The following ZNF521 variants were observed in gnomAD, a reference collection of about 807,000 sequenced individuals.
The protein encoded by ZNF521 is zinc finger protein 521.
ZNF521 carries 14 observed loss-of-function variants against 105.5 expected under a neutral mutation model. The ratio of observed to expected loss-of-function variants is 0.13; its 90% confidence interval spans 0.09 to 0.21. The LOEUF (loss-of-function observed/expected upper bound fraction) is 0.21. Among genes scored for constraint, ZNF521 ranks in the 10% least tolerant of loss-of-function variants. The pLI is 1.00. For synonymous variants in ZNF521, 635 were observed against 606.0 expected (o/e 1.05, Z -0.70); for missense variants, 1,233 against 1,629.7 (o/e 0.76, Z 4.19).
intron 4 of ZNF521, chr18:25,224,079 G>A (rs940126066): frequency 5.0e-6 from 2 of 398,002 alleles, no homozygotes; most frequent in Non-Finnish European, 9.1e-6. Context: ...GTGTTGGCAT[G>A]AGCGCTGGTC....
intron 5 of ZNF521, among the ~76,000 whole-genome samples, chr18:25,121,648 A>AG (rs2034446563): frequency 6.6e-6 from 1 of 152,246 alleles, no homozygotes; most frequent in African/African-American, 2.4e-5. Context: ...CCACCACTGG[A>AG]GGGGGACAGT....
intron 1 of ZNF521, chr18:25,351,321 A>G (rs1480762817): frequency 6.6e-6 from 1 of 151,558 alleles, no homozygotes; most frequent in Non-Finnish European, 1.5e-5. Flanking sequence ...CAGCTACACT[A>G]AAAAGAGAAA....
At chr18:25,293,351 TACACACAC>T (rs55818021) in intron 3 of ZNF521, among the ~76,000 whole-genome samples, 19 of 143,238 alleles carry the variant, frequency 1.3e-4, no homozygotes, top group Admixed American at 5.6e-4. Flanking sequence ...CATGTACACA[TACACACAC>T]ACACACACAC....
chr18:25,249,495 T>A (rs1907963319), intron 3 of ZNF521, among the ~76,000 whole-genome samples: 1 of 151,242 alleles, frequency 6.6e-6, no homozygotes, highest in African/African-American at 2.4e-5. Flanking sequence ...ACAGTCTTGT[T>A]CTGTCACCCA....
intron 5 of ZNF521, among the ~76,000 whole-genome samples, chr18:25,124,793 T>G (rs1331997232): frequency 2.0e-5 from 3 of 152,248 alleles, no homozygotes; most frequent in African/African-American, 7.2e-5. Context: ...TCAAATACAC[T>G]CCTCTAACAG....
intron 4 of ZNF521, among the ~76,000 whole-genome samples, chr18:25,216,644 G>A (rs2144702818): frequency 6.6e-6 from 1 of 152,240 alleles, no homozygotes; most frequent in East Asian, 1.9e-4. Context: ...CTGCAGCCTT[G>A]AGCTCCTGGG....
At chr18:25,299,529 A>T (rs1332943826) in intron 3 of ZNF521, among the ~76,000 whole-genome samples, 1 of 152,156 alleles carries the variant, frequency 6.6e-6, no homozygotes, top group African/African-American at 2.4e-5. Context: ...TATACAAAAA[A>T]CCCCTAACAG....
chr18:25,235,503 C>A (rs1378589065), intron 3 of ZNF521, among the ~76,000 whole-genome samples: 4 of 152,132 alleles, frequency 2.6e-5, no homozygotes, highest in African/African-American at 9.7e-5. Flanking sequence ...CTGCCATAAA[C>A]CACCAGAATT....
At chr18:25,108,718 T>A (rs1328760464) in intron 5 of ZNF521, among the ~76,000 whole-genome samples, 1 of 152,136 alleles carries the variant, frequency 6.6e-6, no homozygotes. Context: ...TCCGCCTCCC[T>A]GGTTCAAGTG....
chr18:25,334,495 A>G lies in ZNF521; in HGVS notation c.41-12308T>C, dbSNP rs545619679. Among the ~76,000 whole-genome samples the G allele has an allele frequency of 4.6e-5, 7 of 152,354 alleles. No homozygotes were observed. The East Asian group carries it at 1.3e-3, about 29-fold the overall frequency. On this transcript the variant is annotated intron_variant, in intron 2 of 7. Transcript: ENST00000361524. Reference sequence around the variant, plus strand: ...TCTCACCTATAAAATGAGAGCAATGATAACTGACAAAGGATACATTTAAAG... The same window carrying G: ...TCTCACCTATAAAATGAGAGCAATGGTAACTGACAAAGGATACATTTAAAG...
At chr18:25,261,878 C>T (rs1410475753) in intron 3 of ZNF521, among the ~76,000 whole-genome samples, 1 of 152,056 alleles carries the variant, frequency 6.6e-6, no homozygotes, top group African/African-American at 2.4e-5. Context: ...CCCTGCTGTG[C>T]GGAAGGACTT....
chr18:25,322,529 C>A, intron 2 of ZNF521, among the ~76,000 whole-genome samples: 1 of 98,234 alleles, frequency 1.0e-5, no homozygotes, highest in Non-Finnish European at 2.1e-5. Context: ...TAAACAGTCT[C>A]CAATGCAAAA....
At chr18:25,300,566 G>C (rs902870174) in intron 3 of ZNF521, among the ~76,000 whole-genome samples, 2 of 150,968 alleles carry the variant, frequency 1.3e-5, no homozygotes, top group Admixed American at 6.6e-5. Context: ...AAAGATCATA[G>C]AGTGTCATCA....
At chr18:25,074,054 ATGTGTGCGCACGCG>A (rs1443172360) in intron 7 of ZNF521, among the ~76,000 whole-genome samples, 3 of 144,822 alleles carry the variant, frequency 2.1e-5, no homozygotes, top group African/African-American at 8.6e-5. Context: ...GTCTGTGCAC[ATGTGTGCGCACGCG>A]TGTGTGCGTG....
intron 3 of ZNF521, among the ~76,000 whole-genome samples, chr18:25,283,933 C>CCAA (rs377056731): frequency 7.5e-6 from 1 of 133,222 alleles, no homozygotes; most frequent in Non-Finnish European, 1.6e-5. Context: ...CCCCCCCCCC[C>CCAA]AAAAAAATTC....
intron 5 of ZNF521, among the ~76,000 whole-genome samples, chr18:25,110,933 T>A (rs2034176199): frequency 6.6e-6 from 1 of 151,976 alleles, no homozygotes; most frequent in Non-Finnish European, 1.5e-5. Flanking sequence ...TGGCTAATTT[T>A]TGTATTTTTA....
At chr18:25,082,019 A>G (rs1364131047) in intron 7 of ZNF521, among the ~76,000 whole-genome samples, 5 of 152,252 alleles carry the variant, frequency 3.3e-5, no homozygotes, top group Non-Finnish European at 7.3e-5. Flanking sequence ...CATAGCACCA[A>G]TCAATAAATC....
At chr18:25,299,662 G>A (rs750082610) in intron 3 of ZNF521, among the ~76,000 whole-genome samples, 4 of 152,146 alleles carry the variant, frequency 2.6e-5, no homozygotes, top group Admixed American at 6.5e-5. Context: ...GATTCCTGAT[G>A]ACATCTGAGA....
chr18:25,095,215 G>T (rs1379491739), intron 5 of ZNF521, among the ~76,000 whole-genome samples: 1 of 152,102 alleles, frequency 6.6e-6, no homozygotes, highest in Non-Finnish European at 1.5e-5. Flanking sequence ...CAATGTTCTT[G>T]ATGGGATACT....
Sources: allele counts gnomAD v4.1 joint callset (sites outside exome capture counted in the v4.1 genomes callset), GRCh38; gene constraint gnomAD v4.1.1; transcripts MANE v1.5; gene names NCBI Gene and HGNC (gene_info 2026-07-23, HGNC 2026-07-21).